Variants in GRIP2 observed in about 807,000 individuals in gnomAD.
GRIP2 encodes the protein glutamate receptor interacting protein 2.
In GRIP2, 58 loss-of-function variants were observed where a neutral mutation model predicts 108.3. The observed-to-expected ratio is 0.54, with a 90% CI of 0.43 to 0.67. The LOEUF (loss-of-function observed/expected upper bound fraction) is 0.67, where lower values mean the gene tolerates loss of function less well. Ranked by LOEUF, GRIP2 falls within the 30% of genes least tolerant of loss-of-function variation. The probability of loss-of-function intolerance (pLI) is 0.00; values close to 1 mark genes in which losing one functional copy is unlikely to be tolerated. For synonymous variants in GRIP2, 586 were observed against 598.2 expected, an observed-to-expected ratio of 0.98 and a Z score of 0.30; for missense variants, 1,278 against 1,430.6, an observed-to-expected ratio of 0.89 and a Z score of 1.72.
rs1280011139 is a variant in GRIP2, at chr3:14,491,316, GC to G, written c.*2348del. On this transcript the variant is annotated 3_prime_UTR_variant, in exon 24 of 24. Transcript: ENST00000621039. The stretch of plus-strand genomic sequence containing the variant: ...ATACAGCCCCTTGTGCTTCCCGAGA[GC>G]CCTAAGAAAACCCGATGTAGAAAAA... 2 of 152,202 alleles carry G rather than the reference GC, an allele frequency of 1.3e-5. No homozygotes were observed. Among genetic ancestry groups the G allele is most frequent in the African/African-American group, 4.8e-5 (2 of 41,428 alleles). The allele number at this position is 152,202 out of a possible 1,614,324, so 9.4% of individuals were successfully genotyped here. A position where few individuals can be genotyped will look rare whatever the true frequency, so the allele number is the denominator to read the frequency against.
At chr3:14,596,175 A>G in the GRIP2 span, among the ~76,000 whole-genome samples, 92 of 152,362 alleles carry the variant, frequency 6.0e-4, no homozygotes, top group African/African-American at 2.1e-3. Context: ...AGGCAGGGGC[A>G]GCTGCCTGAG....
At chr3:14,551,381 C>A (rs577444293) in intron 1 of GRIP2, among the ~76,000 whole-genome samples, 5 of 152,230 alleles carry the variant, frequency 3.3e-5, no homozygotes, top group Non-Finnish European at 7.3e-5. Flanking sequence ...TTGGGGCATT[C>A]AGGGAGGAGC....
upstream of GRIP2, among the ~76,000 whole-genome samples, chr3:14,546,348 C>T (rs917976774): frequency 2.0e-5 from 3 of 152,042 alleles, no homozygotes; most frequent in East Asian, 5.8e-4. Context: ...TTAGCAGGGT[C>T]GTGCTGTGAC....
chr3:14,573,226 A>G, the GRIP2 span: 9 of 1,405,454 alleles, frequency 6.4e-6, no homozygotes, highest in Non-Finnish European at 9.0e-6. Context: ...AGCTCCATGA[A>G]GAGGCAGGCC....
At chr3:14,549,480 T>G (rs983938736) in intron 1 of GRIP2, among the ~76,000 whole-genome samples, 1 of 152,224 alleles carries the variant, frequency 6.6e-6, no homozygotes. Context: ...AGTGTGTGGC[T>G]GAACACGGTG....
Position 14,512,677 on chromosome 3 carries a change from G to T in GRIP2, c.1720+100C>A. ...CAAGCCTTTTCCTCGGGCCCCGCAG[G>T]GTGTCACGCCATGGAAATGCTGGTC... On this transcript the variant is annotated intron_variant, in intron 14 of 23. Coordinates refer to ENST00000621039, the MANE Select transcript of GRIP2 (RefSeq NM_001080423.4). The surrounding 1 kb of genome is among the most constrained non-coding windows in gnomAD (Gnocchi z 5.1). 8.7e-7 allele frequency: 1 copy of T among 1,151,936 alleles called. No homozygotes were observed. Among genetic ancestry groups the T allele is most frequent in the Non-Finnish European group, 1.3e-6 (1 of 793,304 alleles). 71.4% of individuals were successfully genotyped at this position (1,151,936 alleles called of 1,614,324 possible).
At chr3:14,519,098 CA>C (rs1694336072) in intron 9 of GRIP2, among the ~76,000 whole-genome samples, 2 of 152,200 alleles carry the variant, frequency 1.3e-5, no homozygotes, top group African/African-American at 4.8e-5. Context: ...CCGAACCTGG[CA>C]CGTGGCAGAT....
At chr3:14,543,912 G>A (rs562687844), upstream of GRIP2, among the ~76,000 whole-genome samples, 3 of 152,310 alleles carry the variant, frequency 2.0e-5, no homozygotes, top group South Asian at 2.1e-4. Context: ...CAGCTTCCTC[G>A]GCTGTAGAAT....
At chr3:14,550,238 T>C (rs556481844) in intron 1 of GRIP2, among the ~76,000 whole-genome samples, 5 of 152,244 alleles carry the variant, frequency 3.3e-5, no homozygotes, top group African/African-American at 1.2e-4. Context: ...AATTCCCACC[T>C]CTGAGCCTTT....
the GRIP2 span, chr3:14,572,716 A>G: frequency 2.0e-6 from 1 of 494,732 alleles, no homozygotes; most frequent in East Asian, 4.0e-5. Context: ...AACAAGGCAC[A>G]AGAGTTCTGT....
chr3:14,515,730 G>C (rs1330163770), intron 11 of GRIP2, among the ~76,000 whole-genome samples: 1 of 152,182 alleles, frequency 6.6e-6, no homozygotes, highest in Middle Eastern at 3.4e-3. Flanking sequence ...CCGCCTCCCG[G>C]GTTCAAGCGA....
chr3:14,593,538 CT>C, the GRIP2 span, among the ~76,000 whole-genome samples: 1 of 152,234 alleles, frequency 6.6e-6, no homozygotes, highest in East Asian at 1.9e-4. Context: ...TCCAGAGCTC[CT>C]ATAGTTCTCC....
At chr3:14,580,839 T>C in the GRIP2 span, among the ~76,000 whole-genome samples, 3 of 152,196 alleles carry the variant, frequency 2.0e-5, no homozygotes, top group African/African-American at 7.2e-5. Flanking sequence ...AACAGACTTT[T>C]GAGTAAAGCA....
chr3:14,573,375 C>G, the GRIP2 span: 1 of 1,331,256 alleles, frequency 7.5e-7, no homozygotes, highest in African/African-American at 1.4e-5. Flanking sequence ...CTCCAGGTCC[C>G]GCGGGATGGT....
chr3:14,537,114 C>T (rs1198971528), intron 1 of GRIP2, among the ~76,000 whole-genome samples: 1 of 152,230 alleles, frequency 6.6e-6, no homozygotes, highest in African/African-American at 2.4e-5. Context: ...TTGGCAACTG[C>T]ACTCTAAAGG....
chr3:14,504,693 C>T (rs1693869301), intron 20 of GRIP2, among the ~76,000 whole-genome samples: 1 of 152,166 alleles, frequency 6.6e-6, no homozygotes, highest in Non-Finnish European at 1.5e-5. Context: ...CTTCCCTTTC[C>T]ATGTAACAGA....
At position 14,520,294 on chromosome 3, in the gene GRIP2, G is replaced by A. The variant is rs1437015963; in HGVS notation, c.861-15C>T. On this transcript the variant is annotated splice_polypyrimidine_tract_variant and intron_variant, in intron 8 of 23. Coordinates refer to ENST00000621039, the MANE Select transcript of GRIP2 (RefSeq NM_001080423.4). The stretch of plus-strand genomic sequence containing the variant: ...GGGCTCCGCTCCTGGCCAGGCAGGG[G>A]AGTGAAGGCGGAGGCTGGTCCAGGC... The A allele has an allele frequency of 1.2e-6, 2 of 1,612,244 alleles. No individual in the cohort carries two copies. Among genetic ancestry groups the A allele is most frequent in the Non-Finnish European group, 1.7e-6 (2 of 1,178,822 alleles).
chr3:14,492,818 A>C lies in GRIP2; in HGVS notation c.*847T>G, dbSNP rs1479871389. ...ATGGGTCAGTGGCCACACGGCCTAC[A>C]GAAGAAGCAGGAGGGCTGAGAGCCC... On this transcript the variant is annotated 3_prime_UTR_variant, in exon 24 of 24. Coordinates refer to ENST00000621039, the MANE Select transcript of GRIP2 (RefSeq NM_001080423.4). 6.6e-6 allele frequency: 1 copy of C among 152,286 alleles called. No individual in the cohort carries two copies. 9.4% of individuals were successfully genotyped at this position (152,286 alleles called of 1,614,324 possible).
chr3:14,579,299 A>G, the GRIP2 span, among the ~76,000 whole-genome samples: 1 of 152,198 alleles, frequency 6.6e-6, no homozygotes, highest in Admixed American at 6.5e-5. Context: ...GAATGTTCTA[A>G]TTGTACCTTG....
Sources: gnomAD v4.1 joint callset for allele counts (sites outside exome capture counted in the v4.1 genomes callset) on GRCh38, gnomAD v4.1.1 for gene constraint, Gnocchi (gnomAD v3.1) non-coding constraint, MANE v1.5 for transcripts, NCBI Gene and HGNC (gene_info 2026-07-23, HGNC 2026-07-21) for gene names.